Variants in PAK3 observed in about 807,000 individuals in gnomAD.
PAK3 encodes the protein serine/threonine-protein kinase PAK 3.
A neutral mutation model predicts 41.0 loss-of-function variants in PAK3; 4 were observed. The ratio of observed to expected loss-of-function variants is 0.10; its 90% CI spans 0.05 to 0.22. The LOEUF (loss-of-function observed/expected upper bound fraction) is 0.22, where lower values mean the gene tolerates loss of function less well. Ranked by LOEUF, PAK3 falls within the 10% of genes least tolerant of loss-of-function variation. The pLI, the probability that PAK3 is intolerant of heterozygous loss-of-function variation, is 1.00. For missense variants in PAK3, 205 were observed against 409.9 expected (o/e 0.50, Z 4.32); for synonymous variants, 146 against 139.6 (o/e 1.05, Z -0.32).
chrX:111,058,084 A>G (rs2092620905), intron 1 of PAK3, among the ~76,000 whole-genome samples: 1 of 112,189 alleles, frequency 8.9e-6, no homozygotes, highest in African/African-American at 3.2e-5. Flanking sequence ...GCAACATTTG[A>G]TGGACATTTG....
In PAK3 at chrX:111,200,312, T is replaced by C. The variant is rs2208022; in HGVS notation, c.1407+3672T>C. ...ATTTGGGAACTGCATTCCCTGTATA[T>C]GGAGAGGAGGACAGCTTCCTCCTGG... On this transcript the variant is annotated intron_variant, in intron 16 of 17. Transcript: ENST00000372007. 1.3e-3 allele frequency among the ~76,000 whole-genome samples: 143 copies of C among 112,116 alleles called. No individual in the cohort carries two copies. The East Asian group carries it at 0.022, about 17-fold the overall frequency.
intron 1 of PAK3, among the ~76,000 whole-genome samples, chrX:110,980,008 G>A (rs1395217536): frequency 8.9e-6 from 1 of 111,786 alleles, no homozygotes; most frequent in Non-Finnish European, 1.9e-5. Flanking sequence ...CTTGCTGATT[G>A]TCTGCTAACA....
At chrX:111,128,089 C>A (rs1034836346) in intron 5 of PAK3, among the ~76,000 whole-genome samples, 1 of 112,290 alleles carries the variant, frequency 8.9e-6, no homozygotes, top group Non-Finnish European at 1.9e-5. Flanking sequence ...TGGAAAGAAG[C>A]AGGTGAGGCT....
intron 1 of PAK3, among the ~76,000 whole-genome samples, chrX:111,078,785 C>G (rs1006452373): frequency 3.6e-5 from 4 of 111,799 alleles, no homozygotes; most frequent in Middle Eastern, 4.6e-3. Context: ...TACCAGTTAT[C>G]CAAGTTATGA....
At chrX:111,155,743 C>T (rs775233332) in intron 8 of PAK3, among the ~76,000 whole-genome samples, 1 of 111,006 alleles carries the variant, frequency 9.0e-6, no homozygotes, top group East Asian at 2.9e-4. Context: ...TCTTAAAGGT[C>T]AGATGAGATT....
chrX:110,949,117 G>C (rs1264902194), intron 1 of PAK3, among the ~76,000 whole-genome samples: 1 of 112,160 alleles, frequency 8.9e-6, no homozygotes. Context: ...TCTTCTCTTT[G>C]ACTTAACTGC....
chrX:111,059,270 C>T (rs895042000), intron 1 of PAK3, among the ~76,000 whole-genome samples: 29 of 110,259 alleles, frequency 2.6e-4, no homozygotes, highest in African/African-American at 9.6e-4. Context: ...AGTGACCTTC[C>T]ACTTCAGCCT....
intron 16 of PAK3, among the ~76,000 whole-genome samples, chrX:111,200,403 C>A (rs768161744): frequency 1.8e-5 from 2 of 111,834 alleles, no homozygotes; most frequent in Non-Finnish European, 3.8e-5. Context: ...TAGAAAACAA[C>A]AGATATGAGG....
upstream of PAK3, among the ~76,000 whole-genome samples, chrX:111,092,706 A>G (rs2148859681): frequency 8.9e-6 from 1 of 112,178 alleles, no homozygotes; most frequent in Admixed American, 9.4e-5. Context: ...AACTTTTTAC[A>G]TGGCAATCAT....
At chrX:111,108,967 C>T (rs921452710) in intron 4 of PAK3, among the ~76,000 whole-genome samples, 2 of 112,097 alleles carry the variant, frequency 1.8e-5, no homozygotes, top group Non-Finnish European at 3.8e-5. Flanking sequence ...TCTTCCATTT[C>T]AATAGAGGTG....
In PAK3 at chrX:111,221,427, G is replaced by A. The variant is rs2094927602; in HGVS notation, c.*980G>A. ...GGACTTTCTCTGAGAGCCAAAACCA[G>A]ATAAATGTAGAATACTGAAATCCTT... On this transcript the variant is annotated 3_prime_UTR_variant, in exon 18 of 18. Transcript: ENST00000372007. The A allele has an allele frequency of 9.0e-6, 1 of 111,721 alleles. No homozygotes were observed. Among genetic ancestry groups the A allele is most frequent in the Non-Finnish European group, 1.9e-5 (1 of 53,096 alleles). 9.2% of individuals were successfully genotyped at this position (111,721 alleles called of 1,213,427 possible). A position where few individuals can be genotyped will look rare whatever the true frequency, so the allele number is the denominator to read the frequency against.
intron 5 of PAK3, among the ~76,000 whole-genome samples, chrX:111,133,412 TG>T (rs1356175522): frequency 2.7e-5 from 3 of 112,290 alleles, no homozygotes; most frequent in Admixed American, 9.4e-5. Context: ...TCTTTTGACA[TG>T]CTACTATCCT....
At chrX:111,204,915 G>A (rs1488771162) in intron 16 of PAK3, among the ~76,000 whole-genome samples, 1 of 32,055 alleles carries the variant, frequency 3.1e-5, no homozygotes, top group African/African-American at 1.4e-4. Context: ...TTACCCTCAC[G>A]CTCAGATGGC....
chrX:110,994,740 G>C (rs1320156492), intron 1 of PAK3, among the ~76,000 whole-genome samples: 1 of 111,650 alleles, frequency 9.0e-6, no homozygotes, highest in Non-Finnish European at 1.9e-5. Context: ...ATCAGAGCTT[G>C]GCAGTTGAAC....
At chrX:110,987,331 T>C (rs2091561672) in intron 1 of PAK3, among the ~76,000 whole-genome samples, 1 of 112,535 alleles carries the variant, frequency 8.9e-6, no homozygotes, top group Non-Finnish European at 1.9e-5. Flanking sequence ...GCAGTGTGGA[T>C]GGAGAGTGTG....
intron 11 of PAK3, among the ~76,000 whole-genome samples, chrX:111,184,633 G>A (rs1176249013): frequency 9.5e-6 from 1 of 105,375 alleles, no homozygotes; most frequent in Non-Finnish European, 1.9e-5. Context: ...TCCCACTTAT[G>A]AGTGAGAATA....
At chrX:111,045,003 C>T (rs181118935) in intron 1 of PAK3, among the ~76,000 whole-genome samples, 7 of 112,004 alleles carry the variant, frequency 6.2e-5, no homozygotes, top group Non-Finnish European at 3.8e-5. Flanking sequence ...TATACACAGC[C>T]TCTGCAAGAG....
intron 1 of PAK3, among the ~76,000 whole-genome samples, chrX:111,029,056 G>A (rs2092309206): frequency 9.0e-6 from 1 of 111,659 alleles, no homozygotes; most frequent in Non-Finnish European, 1.9e-5. Flanking sequence ...TGGATTGCTT[G>A]AGCCCAGGAG....
Position 110,959,890 on chromosome X carries a change from T to A in PAK3, c.-28+15262T>A, listed in dbSNP as rs190433459. Reference sequence around the variant, plus strand: ...TGCAAACTAAATTCATTGTTTTTTTTAAAAAATAAATTGATTTTAAAATAA... The same window carrying A: ...TGCAAACTAAATTCATTGTTTTTTTAAAAAAATAAATTGATTTTAAAATAA... On this transcript the variant is annotated intron_variant, in intron 1 of 14. Coordinates refer to the PAK3 transcript ENST00000425146. Among the ~76,000 whole-genome samples the A allele has an allele frequency of 1.5e-3, 171 of 112,220 alleles. 1 individual carries two copies. The highest frequency in any genetic ancestry group is 0.014 in the Middle Eastern group (3 of 218).
Sources: allele counts gnomAD v4.1 joint callset (sites outside exome capture counted in the v4.1 genomes callset), GRCh38; gene constraint gnomAD v4.1.1; transcripts MANE v1.5; gene names NCBI Gene and HGNC (gene_info 2026-07-23, HGNC 2026-07-21).